The following CPSF1 variants were observed in gnomAD, a reference collection of about 807,000 sequenced individuals.
CPSF1 encodes cleavage and polyadenylation specific factor 1.
Under a neutral mutation model 175.8 loss-of-function variants are expected in CPSF1, and 106 were observed. The observed-to-expected ratio is 0.60, with a 90% confidence interval of 0.52 to 0.71. The LOEUF is 0.71. Among genes scored for constraint, CPSF1 ranks in the 30% least tolerant of loss-of-function variants. The pLI is 0.00. For missense variants in CPSF1, 1,734 were observed against 2,022.9 expected, an observed-to-expected ratio of 0.86 and a Z score of 2.74; for synonymous variants, 1,024 against 858.3, an observed-to-expected ratio of 1.19 and a Z score of -3.37.
At position 144,399,901 on chromosome 8, in the gene CPSF1, G is replaced by A; in HGVS notation, c.1032-33C>T. On this transcript the variant is annotated intron_variant, in intron 10 of 37. Coordinates refer to ENST00000616140, the MANE Select transcript of CPSF1 (RefSeq NM_013291.3). The surrounding 1 kb of genome is among the most constrained non-coding windows in gnomAD (Gnocchi z 6.4). ...CAGGGAGAATTCTGAGTCGGGGATG[G>A]GGACCCTGGGGGAGTGAAGGGGGCC... 6.4e-7 allele frequency: 1 copy of A among 1,552,176 alleles called. No individual in the cohort carries two copies. The highest frequency in any genetic ancestry group is 8.7e-7 in the Non-Finnish European group (1 of 1,144,286).
Position 144,398,565 on chromosome 8 carries a change from C to T in CPSF1, c.1712G>A (p.Arg571Lys). ...TTPEADDDGR[R>K]HGFLILSRED... ...CCGGCTCAGAATCAGGAATCCGTGT[C>T]TGCGGCCGTCGTCGTCTGCTTCAGG... The change falls in exon 18 of 38, where the codon AGA (arginine) becomes AAA (lysine). Residue 571 changes from arginine (R) to lysine (K), a missense_variant. Arg to Lys is a conservative substitution (Grantham distance 26). Around this residue, in one of 10 missense-constraint regions of CPSF1, gnomAD observed 280 missense variants for 349.2 expected, o/e 0.80. Coordinates refer to ENST00000616140, the MANE Select transcript of CPSF1 (RefSeq NM_013291.3). The T allele has an allele frequency of 6.2e-7, 1 of 1,613,938 alleles. No individual in the cohort carries two copies.
At position 144,398,446 on chromosome 8, in the gene CPSF1, G is replaced by T; in HGVS notation, c.1753-3C>A. 6.2e-7 allele frequency: 1 copy of T among 1,613,760 alleles called. No individual in the cohort carries two copies. The highest frequency in any genetic ancestry group is 1.7e-5 in the Admixed American group (1 of 60,022). ...ATCTCCTGCCCCGTCTGCAGGATCTGCGGGCGACAGCTGTGAGGGAGGCGC... is the reference window on the plus strand; with the variant it reads ...ATCTCCTGCCCCGTCTGCAGGATCTTCGGGCGACAGCTGTGAGGGAGGCGC... On this transcript the variant is annotated splice_region_variant and splice_polypyrimidine_tract_variant and intron_variant, in intron 18 of 37. Transcript: ENST00000616140.
rs1820662735 is a variant in CPSF1, at chr8:144,395,458, CAT to C, written c.3071_3072del (p.Tyr1024CysfsTer8). On this transcript the variant is annotated frameshift_variant, in exon 27 of 38. Coordinates refer to ENST00000616140, the MANE Select transcript of CPSF1 (RefSeq NM_013291.3). LOFTEE classifies it high-confidence loss of function. ...RKIPLRCTAH[Y>X]VAYHVESKVY... is the part of the protein sequence containing the mutation. ...ACCTTAGACTCCACGTGGTAAGCCA[CAT>C]AGTGGGCCGTGCAGCGCAGCGGGAT... 4 of 1,612,822 alleles carry C rather than the reference CAT, an allele frequency of 2.5e-6. No homozygotes were observed. Among genetic ancestry groups the C allele is most frequent in the Non-Finnish European group, 2.5e-6 (3 of 1,179,918 alleles).
At chr8:144,400,134 G>GCACC in intron 9 of CPSF1, 32 bp downstream of exon 9, 5 of 964,394 alleles carry the variant, frequency 5.2e-6, no homozygotes, top group Non-Finnish European at 5.8e-6. Flanking sequence ...GCCGTCCCCG[G>GCACC]GCCCCCCCCG....
Position 144,395,429 on chromosome 8 carries a change from G to C in CPSF1, c.3096+6C>G. On this transcript the variant is annotated splice_donor_region_variant and intron_variant, in intron 27 of 37. Transcript: ENST00000616140. ...GGTCCCTGGTGGGGTGGGGGTGGGG[G>C]CAGACCTTAGACTCCACGTGGTAAG... 6.2e-7 allele frequency: 1 copy of C among 1,612,750 alleles called. No homozygotes were observed. The highest frequency in any genetic ancestry group is 8.5e-7 in the Non-Finnish European group (1 of 1,179,706).
At position 144,405,630 on chromosome 8, in the gene CPSF1, G is replaced by GA. The variant is rs1177022599; in HGVS notation, c.144+3384dup. On this transcript the variant is annotated intron_variant, in intron 2 of 37. Coordinates refer to ENST00000616140, the MANE Select transcript of CPSF1 (RefSeq NM_013291.3). ...CAGAGGGAGACTCTCTCTCAAAAAA[G>GA]AAAAAAAAAAGACAGCTGTATGAAA... Among the ~76,000 whole-genome samples, 1,056 of 147,790 alleles carry GA rather than the reference G, an allele frequency of 7.1e-3. 14 individuals carry two copies. The highest frequency in any genetic ancestry group is 0.024 in the African/African-American group (971 of 40,294).
At position 144,399,680 on chromosome 8, in the gene CPSF1, GGAACAGGTACCC is replaced by G; in HGVS notation, c.1138_1149del (p.Gly380_Phe383del). On this transcript the variant is annotated inframe_deletion, in exon 12 of 38. Coordinates refer to ENST00000616140, the MANE Select transcript of CPSF1 (RefSeq NM_013291.3). This position sits in a 1 kb window ranked among gnomAD's most constrained non-coding sequence, Gnocchi z 6.4. ...AGGGAATTGCCCAGGCGAGAACCCA[GGAACAGGTACCC>G]GGGCTCCATGGTGACCATCTGAGGG... 1 of 1,610,736 alleles carries G rather than the reference GGAACAGGTACCC, an allele frequency of 6.2e-7. No homozygotes were observed. Among genetic ancestry groups the G allele is most frequent in the Non-Finnish European group, 8.5e-7 (1 of 1,178,608 alleles).
In CPSF1 at chr8:144,393,803, G is replaced by A; in HGVS notation, c.4016-7C>T. ...ATGCCGCCGTCCAGGGTGGCTGGCA[G>A]GGGTAGGGTGAGGGTTTTGGTGTGA... On this transcript the variant is annotated splice_region_variant and splice_polypyrimidine_tract_variant and intron_variant, in intron 35 of 37. Transcript: ENST00000616140. 1.2e-6 allele frequency: 2 copies of A among 1,600,344 alleles called. No homozygotes were observed. The highest frequency in any genetic ancestry group is 1.7e-6 in the Non-Finnish European group (2 of 1,178,538).
chr8:144,403,851 C>G (rs1554868162), intron 2 of CPSF1, among the ~76,000 whole-genome samples: 1 of 151,772 alleles, frequency 6.6e-6, no homozygotes, highest in African/African-American at 2.4e-5. Flanking sequence ...CGCCCAACTT[C>G]CTTAATCAAA....
intron 2 of CPSF1, among the ~76,000 whole-genome samples, chr8:144,403,223 A>C (rs1375686028): frequency 1.3e-5 from 2 of 151,460 alleles, no homozygotes; most frequent in African/African-American, 4.9e-5. Context: ...CAGCCTCCTC[A>C]GTAGCTGGGA....
At chr8:144,408,227 G>A (rs996644142) in intron 2 of CPSF1, among the ~76,000 whole-genome samples, 2 of 151,986 alleles carry the variant, frequency 1.3e-5, no homozygotes, top group Non-Finnish European at 2.9e-5. Flanking sequence ...TCTATACCAC[G>A]GCCACACTGT....
At position 144,400,134 on chromosome 8, in the gene CPSF1, G is replaced by GCCCCCCCCCCCCCCCCCCCCCC. The variant is rs782373475; in HGVS notation, c.937+31_937+32insGGGGGGGGGGGGGGGGGGGGGG. 129 of 966,524 alleles carry GCCCCCCCCCCCCCCCCCCCCCC rather than the reference G, an allele frequency of 1.3e-4. 6 individuals are homozygous for GCCCCCCCCCCCCCCCCCCCCCC. Among genetic ancestry groups the GCCCCCCCCCCCCCCCCCCCCCC allele is most frequent in the Admixed American group, 5.7e-4 (20 of 34,882 alleles). 59.9% of individuals were successfully genotyped at this position (966,524 alleles called of 1,614,324 possible). A position where few individuals can be genotyped will look rare whatever the true frequency, so the allele number is the denominator to read the frequency against. On this transcript the variant is annotated intron_variant, in intron 9 of 37. Coordinates refer to ENST00000616140, the MANE Select transcript of CPSF1 (RefSeq NM_013291.3). ...ACTAGGCAGGCCCAAGCCGTCCCCGGGCCCCCCCCGCCCCAGCCACCCCAC... is the reference window on the plus strand; with the variant it reads ...ACTAGGCAGGCCCAAGCCGTCCCCGGCCCCCCCCCCCCCCCCCCCCCCGCCCCCCCCGCCCCAGCCACCCCAC...
rs782383028 is a variant in CPSF1, at chr8:144,393,954, G to A, written c.3944C>T (p.Pro1315Leu). The change falls in exon 35 of 38, where the codon CCG becomes CTG. Residue 1315 changes from proline (P) to leucine (L), a missense_variant. Physicochemically the swap from Pro to Leu is moderately conservative, Grantham distance 98. Around this residue, in one of 10 missense-constraint regions of CPSF1, gnomAD observed 323 missense variants for 338.5 expected, o/e 0.95. Coordinates refer to ENST00000616140, the MANE Select transcript of CPSF1 (RefSeq NM_013291.3). ...GAHVNTFWRT[P>L]CRGATEGLSK... ...GAGCCCTTCAGTGGCCCCCCGGCAC[G>A]GGGTCCTCCAGAACGTGTTCACGTG... 2.5e-5 allele frequency: 41 copies of A among 1,613,500 alleles called. No homozygotes were observed. Among genetic ancestry groups the A allele is most frequent in the South Asian group, 1.8e-4 (16 of 91,072 alleles).
rs782215918 is a variant in CPSF1, at chr8:144,394,615, G to A, written c.3567+29C>T. 40 of 1,602,038 alleles carry A rather than the reference G, an allele frequency of 2.5e-5. No individual in the cohort carries two copies. The East Asian group carries it at 8.3e-4, about 33-fold the overall frequency. On this transcript the variant is annotated intron_variant, in intron 31 of 37. Transcript: ENST00000616140. ...GGGGAGCCGGGTGAGGGTGAGCCGG[G>A]GGACACACGCCGGGTGGGACTGGCA...
In CPSF1 at chr8:144,397,161, G is replaced by C. The variant is rs1440458442; in HGVS notation, c.2592+46C>G. 6 of 1,494,578 alleles carry C rather than the reference G, an allele frequency of 4.0e-6. No individual in the cohort carries two copies. In the African/African-American group the frequency reaches 6.9e-5, roughly 17 times the overall value. The allele number at this position is 1,494,578 out of a possible 1,614,324, so 92.6% of individuals were successfully genotyped here. On this transcript the variant is annotated intron_variant, in intron 23 of 37. Transcript: ENST00000616140. ...GGCGGGGCTGTGGGGGAACGGGCAG[G>C]GCCAGGGGGAAGATGGGAAGGGGAG...
Position 144,401,028 on chromosome 8 carries a change from G to T in CPSF1, c.435C>A (p.Pro145=). The T allele has an allele frequency of 6.2e-7, 1 of 1,608,908 alleles. No individual in the cohort carries two copies. The highest frequency in any genetic ancestry group is 1.1e-5 in the South Asian group (1 of 90,830). Residue 145 remains proline, a synonymous_variant, in exon 6 of 38, where the codon CCC becomes CCA. Transcript: ENST00000616140. ...NVHTPRVRVD[P]DGRCAAMLVY... is the part of the protein sequence containing the mutation. ...CAAGCATGGCTGCACAGCGCCCGTC[G>T]GGGTCCACCCGCACTCGCGGCGTGT...
At position 144,394,670 on chromosome 8, in the gene CPSF1, G is replaced by A. The variant is rs1820597662; in HGVS notation, c.3541C>T (p.His1181Tyr). 6.2e-7 allele frequency: 1 copy of A among 1,610,720 alleles called. No homozygotes were observed. Among genetic ancestry groups the A allele is most frequent in the Middle Eastern group, 1.7e-4 (1 of 6,060 alleles). ...PVTALCHCNG[H>Y]LVSAIGQKIF... ...TTCTGGCCGATGGCCGACACCAGGT[G>A]GCCATTGCAGTGGCACAGGGCGGTC... Residue 1181 changes from histidine to tyrosine, a missense_variant, in exon 31 of 38, where the codon CAC (histidine) becomes TAC (tyrosine). Coordinates refer to ENST00000616140, the MANE Select transcript of CPSF1 (RefSeq NM_013291.3).
chr8:144,398,329 G>C lies in CPSF1; in HGVS notation c.1867C>G (p.Pro623Ala). The C allele has an allele frequency of 7.2e-7, 1 of 1,381,092 alleles. No homozygotes were observed. Among genetic ancestry groups the C allele is most frequent in the Non-Finnish European group, 9.9e-7 (1 of 1,011,020 alleles). The allele number at this position is 1,381,092 out of a possible 1,614,324, so 85.6% of individuals were successfully genotyped here. A position where few individuals can be genotyped will look rare whatever the true frequency, so the allele number is the denominator to read the frequency against. ...GDNRYIVQVS[P>A]LGIRLLEGVN... The stretch of plus-strand genomic sequence containing the variant: ...CCTTCCAGCAGGCGGATGCCCAGTG[G>C]TGACACTTGGACAATGTAGCGGTTG... The change falls in exon 19 of 38, where the codon CCA becomes GCA. Residue 623 changes from proline (P) to alanine (A), a missense_variant. Coordinates refer to ENST00000616140, the MANE Select transcript of CPSF1 (RefSeq NM_013291.3).
At chr8:144,395,983 G>T (rs1209684856) in intron 26 of CPSF1, 3 of 393,394 alleles carry the variant, frequency 7.6e-6, no homozygotes, top group Non-Finnish European at 1.4e-5. Flanking sequence ...CTTAAATAGG[G>T]AACCAGGATG....
Sources: allele counts gnomAD v4.1 joint callset (sites outside exome capture counted in the v4.1 genomes callset), GRCh38; gene constraint gnomAD v4.1.1; regional missense constraint gnomAD v4.1.1; non-coding constraint Gnocchi (gnomAD v3.1); transcripts MANE v1.5; gene names NCBI Gene and HGNC (gene_info 2026-07-23, HGNC 2026-07-21).